Variants in FRRS1 observed in about 807,000 individuals in gnomAD.
FRRS1 encodes the protein ferric reductase 1.
In FRRS1, 51 loss-of-function variants were observed where a neutral mutation model predicts 70.7. The ratio of observed to expected loss-of-function variants is 0.72; its 90% confidence interval spans 0.58 to 0.91. FRRS1 has a LOEUF of 0.91. Ranked by LOEUF, FRRS1 falls within the 40% of genes least tolerant of loss-of-function variation. The pLI is 0.00. For synonymous variants in FRRS1, 225 were observed against 238.7 expected, an observed-to-expected ratio of 0.94 and a Z score of 0.53; for missense variants, 672 against 726.0, an observed-to-expected ratio of 0.93 and a Z score of 0.86.
intron 9 of FRRS1, among the ~76,000 whole-genome samples, chr1:99,727,761 T>C (rs534665282): frequency 6.6e-6 from 1 of 152,368 alleles, no homozygotes; most frequent in South Asian, 2.1e-4. Flanking sequence ...AAATGCTACA[T>C]TGACATTTCC....
At position 99,736,201 on chromosome 1, in the gene FRRS1, A is replaced by T. The variant is rs371295641; in HGVS notation, c.759+1885T>A. Among the ~76,000 whole-genome samples, 4 of 152,342 alleles carry T rather than the reference A, an allele frequency of 2.6e-5. No individual in the cohort carries two copies. In the South Asian group the frequency reaches 8.3e-4, roughly 32 times the overall value. ...ACATTGTTCATTTTTGCCAACACTA[A>T]GAATATCCAAAAGAATATGCTACAG... is the stretch of plus-strand genomic sequence containing the variant. On this transcript the variant is annotated intron_variant, in intron 7 of 16. Transcript: ENST00000646001.
chr1:99,730,261 A>G (rs937002195), intron 7 of FRRS1, among the ~76,000 whole-genome samples: 1 of 152,206 alleles, frequency 6.6e-6, no homozygotes, highest in African/African-American at 2.4e-5. Context: ...GATGGAAGAC[A>G]CTGTAAAGAA....
At chr1:99,747,518 T>A (rs904921592) in intron 3 of FRRS1, 88 bp from the exon 4 acceptor site, 1 of 1,211,134 alleles carries the variant, frequency 8.3e-7, no homozygotes, top group African/African-American at 1.5e-5. Flanking sequence ...TACAATGAGG[T>A]CTACATATGC....
At position 99,711,996 on chromosome 1, in the gene FRRS1, C is replaced by A; in HGVS notation, c.1480+109G>T. The A allele has an allele frequency of 5.7e-6, 4 of 704,074 alleles. No homozygotes were observed. In the East Asian group the frequency reaches 7.8e-5, roughly 14 times the overall value. The allele number at this position is 704,074 out of a possible 1,614,324, so 43.6% of individuals were successfully genotyped here. A position where few individuals can be genotyped will look rare whatever the true frequency, so the allele number is the denominator to read the frequency against. On this transcript the variant is annotated intron_variant, in intron 14 of 16. Transcript: ENST00000646001. ...TTTAAGGCTGATTTCTTCTCAACAA[C>A]CAATTACTCCAATTACTAATGCATC...
At chr1:99,755,111 A>C (rs1471046758) in intron 1 of FRRS1, among the ~76,000 whole-genome samples, 2 of 152,114 alleles carry the variant, frequency 1.3e-5, no homozygotes, top group African/African-American at 4.8e-5. Flanking sequence ...TTATTATAGG[A>C]AACAGAATAT....
intron 10 of FRRS1, 96 bp from the exon 11 acceptor site, chr1:99,717,621 GC>G: frequency 1.3e-6 from 1 of 777,176 alleles, no homozygotes; most frequent in Non-Finnish European, 2.3e-6. Flanking sequence ...TAAACAGCCA[GC>G]AAAATACATT....
intron 3 of FRRS1, 154 bp downstream of exon 3, chr1:99,748,419 T>C: frequency 1.6e-6 from 1 of 637,760 alleles, no homozygotes. Context: ...ACTTAAGTAA[T>C]ACAGTCATCT....
intron 10 of FRRS1, 121 bp from the exon 11 acceptor site, chr1:99,717,646 T>C (rs1168659830): frequency 1.5e-6 from 1 of 676,490 alleles, no homozygotes; most frequent in Non-Finnish European, 2.7e-6. Context: ...CTGACATAAG[T>C]ACAACCTAAA....
chr1:99,740,459 A>G (rs1655901322), intron 6 of FRRS1, among the ~76,000 whole-genome samples: 1 of 152,260 alleles, frequency 6.6e-6, no homozygotes, highest in Admixed American at 6.5e-5. Context: ...CACACAAAAT[A>G]CACAGAACCA....
chr1:99,727,139 A>G (rs1158370633), intron 9 of FRRS1, among the ~76,000 whole-genome samples: 1 of 152,242 alleles, frequency 6.6e-6, no homozygotes, highest in African/African-American at 2.4e-5. Flanking sequence ...GATAAAAGGG[A>G]TAATAATAAT....
intron 6 of FRRS1, among the ~76,000 whole-genome samples, chr1:99,739,844 G>A (rs536683563): frequency 2.0e-5 from 3 of 151,204 alleles, no homozygotes; most frequent in Non-Finnish European, 3.0e-5. Context: ...TTAGGCCCAC[G>A]TTTGTTCTTT....
chr1:99,753,993 C>T (rs112338246), intron 1 of FRRS1, among the ~76,000 whole-genome samples: 20 of 152,240 alleles, frequency 1.3e-4, no homozygotes, highest in African/African-American at 2.6e-4. Flanking sequence ...GGAGTAGCTA[C>T]GTTAATTTCA....
At chr1:99,761,241 C>T (rs1657101363) in intron 1 of FRRS1, among the ~76,000 whole-genome samples, 1 of 152,006 alleles carries the variant, frequency 6.6e-6, no homozygotes, top group Non-Finnish European at 1.5e-5. Flanking sequence ...ATCCTCCCAC[C>T]TCACCCTCCC....
chr1:99,721,555 C>A (rs1277016045), intron 9 of FRRS1, among the ~76,000 whole-genome samples: 2 of 151,310 alleles, frequency 1.3e-5, no homozygotes, highest in Non-Finnish European at 1.5e-5. Context: ...AAAAATTGAC[C>A]AAAGTAGTAG....
In FRRS1 at chr1:99,712,459, C is replaced by A; in HGVS notation, c.1380G>T (p.Gln460His). The part of the protein sequence containing the change: ...GCIVMTLAVL[Q>H]PLLAVFRPPL... ...GTGGCCTGAAGACTGCCAGAAGAGG[C>A]TGAAGAACTGCCAAAGTCATCACTA... Residue 460 changes from glutamine to histidine, a missense_variant, in exon 13 of 17, where the codon CAG becomes CAT. Physicochemically the swap from Gln to His is conservative, Grantham distance 24 (BLOSUM62 0). Transcript: ENST00000646001. 6.2e-7 allele frequency: 1 copy of A among 1,613,462 alleles called. No individual in the cohort carries two copies. Among genetic ancestry groups the A allele is most frequent in the South Asian group, 1.1e-5 (1 of 90,972 alleles).
At chr1:99,761,372 C>T (rs934215149) in intron 1 of FRRS1, among the ~76,000 whole-genome samples, 5 of 152,166 alleles carry the variant, frequency 3.3e-5, no homozygotes, top group Non-Finnish European at 7.4e-5. Context: ...AACCAATCCT[C>T]CCGCTTGGCC....
chr1:99,725,234 A>G (rs1373729233), intron 9 of FRRS1, among the ~76,000 whole-genome samples: 1 of 152,210 alleles, frequency 6.6e-6, no homozygotes. Context: ...TGTGCGGCCC[A>G]GTTCCTAACA....
chr1:99,739,607 A>C (rs1655853276), intron 6 of FRRS1, among the ~76,000 whole-genome samples: 1 of 152,254 alleles, frequency 6.6e-6, no homozygotes, highest in Non-Finnish European at 1.5e-5. Flanking sequence ...ATGTGAATAA[A>C]AAGGTACAGA....
At position 99,730,595 on chromosome 1, in the gene FRRS1, A is replaced by C. The variant is rs370057718; in HGVS notation, c.760-847T>G. 3.2e-3 allele frequency among the ~76,000 whole-genome samples: 480 copies of C among 152,176 alleles called. 2 individuals are homozygous for C. Among genetic ancestry groups the C allele is most frequent in the East Asian group, 7.8e-3 (40 of 5,160 alleles). On this transcript the variant is annotated intron_variant, in intron 7 of 16. Coordinates refer to ENST00000646001, the MANE Select transcript of FRRS1 (RefSeq NM_001361041.2). Reference sequence around the variant, plus strand: ...AAAAATCAGCCAAGCGGGCCGGGCGAGGTGGCTCACGCCTGTAGTCCCAGC... The same window carrying C: ...AAAAATCAGCCAAGCGGGCCGGGCGCGGTGGCTCACGCCTGTAGTCCCAGC...
Sources: allele counts gnomAD v4.1 joint callset (sites outside exome capture counted in the v4.1 genomes callset), GRCh38; gene constraint gnomAD v4.1.1; transcripts MANE v1.5; gene names NCBI Gene and HGNC (gene_info 2026-07-23, HGNC 2026-07-21).